The following SLIT1 variants were observed in gnomAD, a reference collection of about 807,000 sequenced individuals.
SLIT1 encodes slit homolog 1 protein.
In SLIT1, 66 loss-of-function variants were observed where a neutral mutation model predicts 186.1. That is an observed-to-expected ratio of 0.35 (90% CI 0.29 to 0.44). The LOEUF is 0.44. SLIT1 is among the 20% of genes least tolerant of loss of function. The probability of loss-of-function intolerance (pLI) is 1.00; values close to 1 mark genes in which losing one functional copy is unlikely to be tolerated. For synonymous variants in SLIT1, 761 were observed against 833.8 expected, an observed-to-expected ratio of 0.91 and a Z score of 1.50; for missense variants, 1,638 against 2,037.4, an observed-to-expected ratio of 0.80 and a Z score of 3.77.
In SLIT1 at chr10:97,000,614, G is replaced by C. The variant is rs555683199; in HGVS notation, c.*498C>G. Reference sequence around the variant, plus strand: ...ACCACCAGCAGATTCTGTAGCAGCAGAATGAACCAGGCTGGCTTCCCGGGG... The same window carrying C: ...ACCACCAGCAGATTCTGTAGCAGCACAATGAACCAGGCTGGCTTCCCGGGG... On this transcript the variant is annotated 3_prime_UTR_variant, in exon 37 of 37. Coordinates refer to ENST00000266058, the MANE Select transcript of SLIT1 (RefSeq NM_003061.3). The C allele has an allele frequency of 6.5e-6, 1 of 153,694 alleles. No individual in the cohort carries two copies. Among genetic ancestry groups the C allele is most frequent in the Non-Finnish European group, 1.4e-5 (1 of 69,134 alleles). 9.5% of individuals were successfully genotyped at this position (153,694 alleles called of 1,614,324 possible). A position where few individuals can be genotyped will look rare whatever the true frequency, so the allele number is the denominator to read the frequency against.
chr10:97,106,128 G>A (rs932092865), intron 4 of SLIT1, among the ~76,000 whole-genome samples: 1 of 152,202 alleles, frequency 6.6e-6, no homozygotes, highest in African/African-American at 2.4e-5. Flanking sequence ...TTGTGGTCAG[G>A]TGGAGATGAC....
intron 1 of SLIT1, among the ~76,000 whole-genome samples, chr10:97,178,159 C>A (rs1388755195): frequency 6.6e-6 from 1 of 152,068 alleles, no homozygotes; most frequent in Non-Finnish European, 1.5e-5. Flanking sequence ...CAGACAATCC[C>A]CCTGACAAAT....
intron 25 of SLIT1, among the ~76,000 whole-genome samples, chr10:97,026,494 A>AAAT (rs1848547564): frequency 7.4e-6 from 1 of 135,788 alleles, no homozygotes; most frequent in Non-Finnish European, 1.7e-5. Context: ...ATAAATAAAT[A>AAAT]AATAAATGTG....
chr10:97,163,233 T>G (rs971011392), intron 3 of SLIT1, 147 bp downstream of exon 3: 35 of 698,018 alleles, frequency 5.0e-5, no homozygotes, highest in Non-Finnish European at 8.6e-5. Flanking sequence ...CAGCTGCAGC[T>G]GCTCCTGGCT....
At position 97,006,779 on chromosome 10, in the gene SLIT1, C is replaced by T. The variant is rs1848362972; in HGVS notation, c.3342-59G>A. On this transcript the variant is annotated intron_variant, in intron 31 of 36. Coordinates refer to ENST00000266058, the MANE Select transcript of SLIT1 (RefSeq NM_003061.3). This position sits in a 1 kb window ranked among gnomAD's most constrained non-coding sequence, Gnocchi z 4.0. Reference sequence around the variant, plus strand: ...AGGAGGAAGGGAGTATCTTCCTCTCCCACAGCCCTGGAGAGAAATTCACTA... The same window carrying T: ...AGGAGGAAGGGAGTATCTTCCTCTCTCACAGCCCTGGAGAGAAATTCACTA... 4 of 1,153,772 alleles carry T rather than the reference C, an allele frequency of 3.5e-6. No individual in the cohort carries two copies. Among genetic ancestry groups the T allele is most frequent in the African/African-American group, 1.5e-5 (1 of 65,890 alleles). 71.5% of individuals were successfully genotyped at this position (1,153,772 alleles called of 1,614,324 possible). A position where few individuals can be genotyped will look rare whatever the true frequency, so the allele number is the denominator to read the frequency against.
intron 4 of SLIT1, among the ~76,000 whole-genome samples, chr10:97,089,269 C>T (rs1223564799): frequency 6.6e-6 from 1 of 152,228 alleles, no homozygotes; most frequent in Non-Finnish European, 1.5e-5. Flanking sequence ...CAGGAAGACA[C>T]AGGGAGAGGC....
At chr10:97,137,964 C>T (rs4919074) in intron 4 of SLIT1, among the ~76,000 whole-genome samples, 17 of 152,190 alleles carry the variant, frequency 1.1e-4, no homozygotes, top group Non-Finnish European at 2.1e-4. Flanking sequence ...GTCCCCGAGC[C>T]GGTGAGTAGC....
chr10:97,131,080 G>A (rs1395498130), intron 4 of SLIT1, among the ~76,000 whole-genome samples: 3 of 152,112 alleles, frequency 2.0e-5, no homozygotes, highest in East Asian at 1.9e-4. Context: ...AGGTGAGACC[G>A]ACAGCATGGA....
At position 97,121,397 on chromosome 10, in the gene SLIT1, G is replaced by C. The variant is rs190936311; in HGVS notation, c.413+36421C>G. 3.8e-3 allele frequency among the ~76,000 whole-genome samples: 576 copies of C among 152,216 alleles called. 2 individuals carry two copies. Among genetic ancestry groups the C allele is most frequent in the African/African-American group, 0.011 (442 of 41,506 alleles). On this transcript the variant is annotated intron_variant, in intron 4 of 36. Transcript: ENST00000266058. The stretch of plus-strand genomic sequence containing the variant: ...TGCCATCCCTTCAAACATGTGCAGA[G>C]CCCCACCAGCTTTCCCTTCTTAAAC...
At chr10:97,170,351 C>T (rs1361088850) in intron 1 of SLIT1, among the ~76,000 whole-genome samples, 4 of 152,248 alleles carry the variant, frequency 2.6e-5, no homozygotes, top group Non-Finnish European at 4.4e-5. Context: ...TTCTAAAACA[C>T]CAAGAATAAT....
At chr10:97,106,439 C>T (rs113618530) in intron 4 of SLIT1, among the ~76,000 whole-genome samples, 53 of 151,500 alleles carry the variant, frequency 3.5e-4, no homozygotes, top group African/African-American at 1.1e-3. Context: ...AAGCCTGGGC[C>T]CTCGTAGCAT....
intron 29 of SLIT1, 48 bp downstream of exon 29, chr10:97,013,969 CTG>C: frequency 1.9e-6 from 3 of 1,600,500 alleles, no homozygotes; most frequent in Non-Finnish European, 2.6e-6. Flanking sequence ...GGGCTCAGGG[CTG>C]TCTCTGTTCC....
At chr10:97,029,664 T>A (rs1460041363) in intron 25 of SLIT1, among the ~76,000 whole-genome samples, 2 of 152,198 alleles carry the variant, frequency 1.3e-5, no homozygotes, top group African/African-American at 4.8e-5. Context: ...CTTTCAACAT[T>A]TTAAGTGTAC....
chr10:97,019,588 G>A (rs1401959739), intron 26 of SLIT1, among the ~76,000 whole-genome samples: 2 of 152,180 alleles, frequency 1.3e-5, no homozygotes, highest in Admixed American at 6.5e-5. Context: ...GCCCAAGCTC[G>A]GCTCTGCAGG....
At chr10:97,017,705 C>A (rs908724490) in intron 28 of SLIT1, among the ~76,000 whole-genome samples, 3 of 152,232 alleles carry the variant, frequency 2.0e-5, no homozygotes, top group Admixed American at 2.0e-4. Flanking sequence ...GCCTCACCCA[C>A]CCAGTGGCAG....
intron 4 of SLIT1, among the ~76,000 whole-genome samples, chr10:97,114,410 T>C (rs920259502): frequency 3.9e-5 from 6 of 152,186 alleles, no homozygotes; most frequent in Non-Finnish European, 7.4e-5. Flanking sequence ...ATCCCAGCAC[T>C]TTGGGAGGCC....
intron 4 of SLIT1, among the ~76,000 whole-genome samples, chr10:97,125,861 A>G (rs1157747465): frequency 6.6e-6 from 1 of 152,166 alleles, no homozygotes; most frequent in Non-Finnish European, 1.5e-5. Flanking sequence ...AAAAAACAAA[A>G]AAAACAAGAG....
chr10:97,005,466 C>T (rs968496042), intron 32 of SLIT1, among the ~76,000 whole-genome samples: 18 of 152,212 alleles, frequency 1.2e-4, no homozygotes, highest in Non-Finnish European at 8.8e-5. Context: ...GGGCATATGA[C>T]CCAAGCTGTC....
chr10:97,034,025 C>T (rs938839317), intron 23 of SLIT1, among the ~76,000 whole-genome samples: 8 of 152,150 alleles, frequency 5.3e-5, no homozygotes, highest in African/African-American at 7.2e-5. Flanking sequence ...CCACCCAGCC[C>T]GATTAATTTT....
Sources: gnomAD v4.1 joint callset for allele counts (sites outside exome capture counted in the v4.1 genomes callset) on GRCh38, gnomAD v4.1.1 for gene constraint, Gnocchi (gnomAD v3.1) non-coding constraint, MANE v1.5 for transcripts, NCBI Gene and HGNC (gene_info 2026-07-23, HGNC 2026-07-21) for gene names.